Variants in ADGRL2 observed in about 807,000 individuals in gnomAD.
The protein encoded by ADGRL2 is calcium-independent alpha-latrotoxin receptor 2.
In ADGRL2, 44 loss-of-function variants were observed where a neutral mutation model predicts 157.4. The ratio of observed to expected loss-of-function variants is 0.28; its 90% confidence interval spans 0.22 to 0.36. The LOEUF (loss-of-function observed/expected upper bound fraction) is 0.36. Among genes scored for constraint, ADGRL2 ranks in the 10% least tolerant of loss-of-function variants. ADGRL2 has a pLI of 1.00. For synonymous variants in ADGRL2, 585 were observed against 624.7 expected, an observed-to-expected ratio of 0.94 and a Z score of 0.95; for missense variants, 1,510 against 1,768.9, an observed-to-expected ratio of 0.85 and a Z score of 2.63.
In ADGRL2 at chr1:81,984,631, G is replaced by A. The variant is rs1314040188; in HGVS notation, c.3331G>A (p.Gly1111Ser). ...CTTCAGACACTCATACTGCTGTGGA[G>A]GCCTCCCAACTGAGAGTCCCCACAG... ...KCFRHSYCCG[G>S]LPTESPHSSV... Residue 1111 changes from glycine (G) to serine (S), a missense_variant, in exon 20 of 24, where the codon GGC becomes AGC. This residue lies in a region of ADGRL2 where 497 missense variants were observed against 627.2 expected (regional missense o/e 0.79). Coordinates refer to ENST00000686636, the MANE Select transcript of ADGRL2 (RefSeq NM_001366006.2). The A allele has an allele frequency of 4.3e-6, 7 of 1,612,770 alleles. No individual in the cohort carries two copies. The highest frequency in any genetic ancestry group is 1.7e-5 in the Admixed American group (1 of 59,928).
rs552336249 is a variant in ADGRL2, at chr1:81,499,243, G to C, written c.-248+54154G>C. ...TTGGTCCAATAAACCATTGTGGGCT[G>C]TCATGCTCCTGACTACTGAAGTGTT... On this transcript the variant is annotated intron_variant, in intron 2 of 24. Coordinates refer to the ADGRL2 transcript ENST00000370721. Among the ~76,000 whole-genome samples, 11 of 152,394 alleles carry C rather than the reference G, an allele frequency of 7.2e-5. No homozygotes were observed. The South Asian group carries it at 2.1e-3, about 29-fold the overall frequency.
chr1:81,461,633 G>A lies in ADGRL2; in HGVS notation c.-248+16544G>A, dbSNP rs12037751. On this transcript the variant is annotated intron_variant, in intron 2 of 24. Coordinates refer to the ADGRL2 transcript ENST00000370721. ...TTCCCCCCTTAGGCATGTCATGCAAGCTCTTTGTACTTTAATATCTATACA... is the reference window on the plus strand; with the variant it reads ...TTCCCCCCTTAGGCATGTCATGCAAACTCTTTGTACTTTAATATCTATACA... 8.5e-3 allele frequency among the ~76,000 whole-genome samples: 1,296 copies of A among 152,204 alleles called. 24 individuals are homozygous for A. Among genetic ancestry groups the A allele is most frequent in the East Asian group, 0.041 (213 of 5,166 alleles).
chr1:81,476,035 C>G (rs1157073699), intron 2 of ADGRL2, among the ~76,000 whole-genome samples: 2 of 152,120 alleles, frequency 1.3e-5, no homozygotes, highest in African/African-American at 4.8e-5. Flanking sequence ...GTCAGGGAAT[C>G]CCAGCTACGT....
At chr1:81,425,218 T>A (rs144899696) in intron 1 of ADGRL2, among the ~76,000 whole-genome samples, 1 of 152,210 alleles carries the variant, frequency 6.6e-6, no homozygotes, top group Non-Finnish European at 1.5e-5. Flanking sequence ...AGTCAGTATA[T>A]GTTGACCCTA....
At chr1:81,963,816 A>G (rs1656228721) in intron 11 of ADGRL2, among the ~76,000 whole-genome samples, 1 of 151,064 alleles carries the variant, frequency 6.6e-6, no homozygotes, top group Admixed American at 6.6e-5. Context: ...AGTATCCTAT[A>G]TTTTTTTGTG....
At chr1:81,547,191 T>C (rs984656168) in intron 2 of ADGRL2, among the ~76,000 whole-genome samples, 1 of 152,180 alleles carries the variant, frequency 6.6e-6, no homozygotes, top group Non-Finnish European at 1.5e-5. Context: ...TACCATACCA[T>C]GCAAGAGCTG....
chr1:81,473,333 AAG>A (rs766045425), intron 2 of ADGRL2, among the ~76,000 whole-genome samples: 2 of 152,208 alleles, frequency 1.3e-5, no homozygotes, highest in Non-Finnish European at 2.9e-5. Flanking sequence ...CCTTTGGCAC[AAG>A]AGTCTATTGA....
upstream of ADGRL2, among the ~76,000 whole-genome samples, chr1:81,799,313 A>C (rs999295738): frequency 6.7e-6 from 1 of 148,362 alleles, no homozygotes; most frequent in Non-Finnish European, 1.5e-5. Context: ...TATGTAGTTT[A>C]AAGCACCAAT....
At chr1:81,891,165 T>C (rs919868709) in intron 2 of ADGRL2, among the ~76,000 whole-genome samples, 2 of 151,744 alleles carry the variant, frequency 1.3e-5, no homozygotes, top group Non-Finnish European at 2.9e-5. Context: ...AATATTATTA[T>C]AGTATTATTT....
intron 1 of ADGRL2, among the ~76,000 whole-genome samples, chr1:81,386,976 GC>G (rs1428013628): frequency 6.6e-6 from 1 of 152,086 alleles, no homozygotes; most frequent in Non-Finnish European, 1.5e-5. Flanking sequence ...CTGAGACCAG[GC>G]TTTTGCTTGG....
intron 1 of ADGRL2, among the ~76,000 whole-genome samples, chr1:81,370,313 A>T (rs1468202394): frequency 6.6e-6 from 1 of 152,190 alleles, no homozygotes; most frequent in African/African-American, 2.4e-5. Flanking sequence ...AACTTTATGA[A>T]ATTCAAAACG....
chr1:81,414,888 C>T (rs987264714), intron 1 of ADGRL2, among the ~76,000 whole-genome samples: 2 of 152,168 alleles, frequency 1.3e-5, no homozygotes, highest in African/African-American at 4.8e-5. Flanking sequence ...AAAGGAAAAT[C>T]TTTTGTCATT....
intron 2 of ADGRL2, among the ~76,000 whole-genome samples, chr1:81,550,865 G>A (rs557054845): frequency 6.6e-6 from 1 of 152,004 alleles, no homozygotes; most frequent in South Asian, 2.1e-4. Context: ...ATATTCAGAT[G>A]ATTAGTGTCC....
chr1:81,868,743 G>A lies in ADGRL2; in HGVS notation c.73+31686G>A, dbSNP rs572718020. On this transcript the variant is annotated intron_variant, in intron 2 of 23. Transcript: ENST00000686636. ...CTCTGTTAACTTTGCTTCTTCTTTA[G>A]CACTTATTACAAACATGAACCTGTT... Among the ~76,000 whole-genome samples the A allele has an allele frequency of 5.3e-5, 8 of 152,030 alleles. No individual in the cohort carries two copies. In the South Asian group the frequency reaches 1.7e-3, roughly 32 times the overall value.
chr1:81,744,533 G>A (rs970784080), intron 1 of ADGRL2, among the ~76,000 whole-genome samples: 3 of 152,048 alleles, frequency 2.0e-5, no homozygotes, highest in African/African-American at 7.2e-5. Flanking sequence ...TACTGTTGAA[G>A]GTGGAATTTT....
chr1:81,481,166 A>G (rs12728389), intron 2 of ADGRL2, among the ~76,000 whole-genome samples: 22,031 of 152,208 alleles, frequency 0.14, 1,658 homozygotes, highest in Admixed American at 0.18. Flanking sequence ...AACCATAGAT[A>G]CTAGAAATTG....
At chr1:81,727,771 A>G (rs2084585790) in intron 1 of ADGRL2, among the ~76,000 whole-genome samples, 1 of 151,984 alleles carries the variant, frequency 6.6e-6, no homozygotes, top group African/African-American at 2.4e-5. Flanking sequence ...CTTTAAAAAC[A>G]TCGTGTTTAA....
At chr1:81,700,619 A>C (rs1165242414) in intron 1 of ADGRL2, among the ~76,000 whole-genome samples, 2 of 152,202 alleles carry the variant, frequency 1.3e-5, no homozygotes, top group African/African-American at 2.4e-5. Context: ...GAGGGGAGGG[A>C]ACCCACTGAA....
chr1:81,596,343 C>G, intron 3 of ADGRL2: 2 of 534,180 alleles, frequency 3.7e-6, no homozygotes, highest in Non-Finnish European at 7.3e-6. Flanking sequence ...GGTAGGCATT[C>G]GAACTTGTCC....
Sources: gnomAD v4.1 joint callset for allele counts (sites outside exome capture counted in the v4.1 genomes callset) on GRCh38, gnomAD v4.1.1 for gene constraint, gnomAD v4.1.1 regional missense constraint, MANE v1.5 for transcripts, NCBI Gene and HGNC (gene_info 2026-07-23, HGNC 2026-07-21) for gene names.